The following VSIG10 variants were observed in gnomAD, a reference collection of about 807,000 sequenced individuals.
The protein encoded by VSIG10 is V-set and immunoglobulin domain containing 10.
VSIG10 carries 48 observed loss-of-function variants against 58.7 expected under a neutral mutation model. The ratio of observed to expected loss-of-function variants is 0.82; its 90% CI spans 0.65 to 1.04. The LOEUF (loss-of-function observed/expected upper bound fraction) is 1.04. VSIG10 is among the 50% of genes least tolerant of loss of function. VSIG10 has a pLI of 0.00. For missense variants in VSIG10, 628 were observed against 670.0 expected, an observed-to-expected ratio of 0.94 and a Z score of 0.69; for synonymous variants, 260 against 267.1, an observed-to-expected ratio of 0.97 and a Z score of 0.26.
At position 118,103,292 on chromosome 12, in the gene VSIG10, C is replaced by G. The variant is rs547166386; in HGVS notation, c.79+301G>C. 8.9e-5 allele frequency: 29 copies of G among 327,556 alleles called. No individual in the cohort carries two copies. The South Asian group carries it at 3.2e-3, about 36-fold the overall frequency. The allele number at this position is 327,556 out of a possible 1,614,324, so 20.3% of individuals were successfully genotyped here. On this transcript the variant is annotated intron_variant, in intron 1 of 8. Transcript: ENST00000359236. ...CGCTTAAAAAAAAAAATCACTTTCC[C>G]GGCACACGTGCCTCTTTACTTTGCC...
At position 118,081,543 on chromosome 12, in the gene VSIG10, GA is replaced by G. The variant is rs377481555; in HGVS notation, c.664+583del. 2.5e-3 allele frequency among the ~76,000 whole-genome samples: 364 copies of G among 147,522 alleles called. 1 individual carries two copies. Among genetic ancestry groups the G allele is most frequent in the African/African-American group, 8.5e-3 (343 of 40,380 alleles). On this transcript the variant is annotated intron_variant, in intron 3 of 8. Transcript: ENST00000359236. ...TACTTTCACCTCAATTTAGGGGAAAGAAAAAAAAAAGAATGCATTAGTGTTC... is the reference window on the plus strand; with the variant it reads ...TACTTTCACCTCAATTTAGGGGAAAGAAAAAAAAAGAATGCATTAGTGTTC...
intron 4 of VSIG10, among the ~76,000 whole-genome samples, chr12:118,077,156 T>C (rs1358174460): frequency 6.6e-6 from 1 of 152,184 alleles, no homozygotes; most frequent in Non-Finnish European, 1.5e-5. Flanking sequence ...GCTTTATCAG[T>C]ACTTTACACA....
intron 4 of VSIG10, among the ~76,000 whole-genome samples, chr12:118,078,937 T>TAAA (rs35469920): frequency 3.8e-4 from 15 of 39,902 alleles, no homozygotes; most frequent in Admixed American, 7.5e-4. Context: ...AGACTCTGCC[T>TAAA]AAAAAAAAAA....
At chr12:118,070,559 A>G (rs2032449786) in intron 7 of VSIG10, among the ~76,000 whole-genome samples, 2 of 151,698 alleles carry the variant, frequency 1.3e-5, no homozygotes, top group Admixed American at 6.6e-5. Flanking sequence ...AAAAAAAAAA[A>G]AAAAAGAAAA....
At chr12:118,067,347 G>A (rs2032285753) in intron 8 of VSIG10, among the ~76,000 whole-genome samples, 1 of 151,924 alleles carries the variant, frequency 6.6e-6, no homozygotes, top group South Asian at 2.1e-4. Context: ...TGTCCATCAG[G>A]CAATTAATCA....
At chr12:118,098,617 C>G (rs1408440316) in intron 1 of VSIG10, among the ~76,000 whole-genome samples, 1 of 152,082 alleles carries the variant, frequency 6.6e-6, no homozygotes, top group Admixed American at 6.6e-5. Flanking sequence ...CAAGATAAGG[C>G]CTCAGAGAAA....
At chr12:118,080,131 G>A (rs1413202380) in intron 3 of VSIG10, among the ~76,000 whole-genome samples, 6 of 151,566 alleles carry the variant, frequency 4.0e-5, no homozygotes, top group Admixed American at 6.6e-5. Flanking sequence ...ACTGCGTCTC[G>A]CCTCGCTTTT....
chr12:118,101,521 C>G (rs1016892698), intron 1 of VSIG10: 10 of 152,130 alleles, frequency 6.6e-5, no homozygotes, highest in Non-Finnish European at 1.5e-4. Flanking sequence ...TGCCCCCCAA[C>G]CTTAAATGTA....
intron 3 of VSIG10, among the ~76,000 whole-genome samples, chr12:118,081,388 A>C (rs1274105525): frequency 1.3e-5 from 2 of 152,034 alleles, no homozygotes; most frequent in East Asian, 3.9e-4. Flanking sequence ...GTGCAGTGGC[A>C]CATCTTGGCT....
rs80245079 is a variant in VSIG10, at chr12:118,065,208, G to A, written c.*1431C>T. On this transcript the variant is annotated 3_prime_UTR_variant, in exon 9 of 9. Coordinates refer to ENST00000359236, the MANE Select transcript of VSIG10 (RefSeq NM_019086.6). ...CAAGTTTTCCTCTTCCCACTTCCAAGACTGAGAAAGAGTCCAGATGAGCTG... is the reference window on the plus strand; with the variant it reads ...CAAGTTTTCCTCTTCCCACTTCCAAAACTGAGAAAGAGTCCAGATGAGCTG... The A allele has an allele frequency of 9.3e-4, 141 of 152,326 alleles. No individual in the cohort carries two copies. Among genetic ancestry groups the A allele is most frequent in the African/African-American group, 3.2e-3 (131 of 41,578 alleles). The allele number at this position is 152,326 out of a possible 1,614,324, so 9.4% of individuals were successfully genotyped here.
At chr12:118,095,896 G>T in intron 1 of VSIG10, 82 bp from the exon 2 acceptor site, 6 of 1,235,842 alleles carry the variant, frequency 4.9e-6, no homozygotes, top group South Asian at 1.6e-5. Flanking sequence ...CCTGTATTAG[G>T]ATTTTTTTAA....
At chr12:118,085,807 A>T (rs555984220) in intron 2 of VSIG10, among the ~76,000 whole-genome samples, 25 of 149,978 alleles carry the variant, frequency 1.7e-4, no homozygotes, top group African/African-American at 5.9e-4. Context: ...GGTTGCAGTG[A>T]GCCGAGATCA....
intron 8 of VSIG10, among the ~76,000 whole-genome samples, chr12:118,066,988 T>C (rs1385072645): frequency 6.6e-6 from 1 of 152,178 alleles, no homozygotes; most frequent in Non-Finnish European, 1.5e-5. Flanking sequence ...CTTAACGCCT[T>C]GCTTCATGTC....
chr12:118,069,462 G>C (rs1410831836), intron 7 of VSIG10, among the ~76,000 whole-genome samples: 1 of 87,994 alleles, frequency 1.1e-5, no homozygotes, highest in Non-Finnish European at 2.1e-5. Context: ...TTTCATTCTT[G>C]TTGCCCAGGC....
At chr12:118,089,527 A>T (rs930863129) in intron 2 of VSIG10, among the ~76,000 whole-genome samples, 3 of 152,194 alleles carry the variant, frequency 2.0e-5, no homozygotes, top group Non-Finnish European at 4.4e-5. Flanking sequence ...GGGCAGGTGG[A>T]CTGAGGGAGA....
chr12:118,081,976 C>A, intron 3 of VSIG10, 151 bp downstream of exon 3: 1 of 904,424 alleles, frequency 1.1e-6, no homozygotes, highest in Non-Finnish European at 1.6e-6. Context: ...GAGATCGCAA[C>A]TTTGCACTCC....
At chr12:118,071,525 C>T in intron 5 of VSIG10, 56 bp from the exon 6 acceptor site, 3 of 1,474,188 alleles carry the variant, frequency 2.0e-6, no homozygotes. Context: ...GCAATTAGAA[C>T]AACACCTCCC....
At chr12:118,074,416 AG>A in intron 4 of VSIG10, among the ~76,000 whole-genome samples, 1 of 150,736 alleles carries the variant, frequency 6.6e-6, no homozygotes, top group Middle Eastern at 3.6e-3. Context: ...TCACTTTCTG[AG>A]GTTTCAGTTA....
intron 2 of VSIG10, among the ~76,000 whole-genome samples, chr12:118,090,775 C>T (rs2033270992): frequency 1.3e-5 from 2 of 152,186 alleles, no homozygotes; most frequent in South Asian, 2.1e-4. Flanking sequence ...ACCTCAGCCC[C>T]TCAAAGTGCT....
Sources: gnomAD v4.1 joint callset for allele counts (sites outside exome capture counted in the v4.1 genomes callset) on GRCh38, gnomAD v4.1.1 for gene constraint, MANE v1.5 for transcripts, NCBI Gene and HGNC (gene_info 2026-07-23, HGNC 2026-07-21) for gene names.